PEPD: variants seen among roughly 807,000 people sequenced by gnomAD.
The protein encoded by PEPD is xaa-Pro dipeptidase.
In PEPD, 53 loss-of-function variants were observed where a neutral mutation model predicts 60.7. That is an observed-to-expected ratio of 0.87 (90% CI 0.70 to 1.10). The LOEUF is 1.10. Ranked by LOEUF, PEPD falls within the 50% of genes least tolerant of loss-of-function variation. The probability of loss-of-function intolerance (pLI) is 0.00; values close to 1 mark genes in which losing one functional copy is unlikely to be tolerated. For missense variants in PEPD, 711 were observed against 711.9 expected, an observed-to-expected ratio of 1.00 and a Z score of 0.01; for synonymous variants, 267 against 284.1, an observed-to-expected ratio of 0.94 and a Z score of 0.60.
chr19:33,458,647 T>C lies in PEPD; in HGVS notation c.671+4348A>G, dbSNP rs1358395262. ...TGATGTGTGTGGCGTGTGTGTTGTG[T>C]GTGGTATGTGGCATGTGTGGTGTGT... On this transcript the variant is annotated intron_variant, in intron 9 of 14. Transcript: ENST00000244137. 2.1e-5 allele frequency among the ~76,000 whole-genome samples: 3 copies of C among 142,752 alleles called. No homozygotes were observed. In the East Asian group the frequency reaches 6.4e-4, roughly 31 times the overall value. The allele number at this position is 142,752 out of a possible 152,430, so 93.7% of individuals were successfully genotyped here.
At chr19:33,442,747 A>C (rs8103889) in intron 9 of PEPD, among the ~76,000 whole-genome samples, 5,244 of 152,036 alleles carry the variant, frequency 0.034, 154 homozygotes, top group East Asian at 0.077. Flanking sequence ...AAAAATTTAA[A>C]AATAAATAAA....
intron 9 of PEPD, among the ~76,000 whole-genome samples, chr19:33,455,967 C>G (rs1366754480): frequency 6.6e-6 from 1 of 152,142 alleles, no homozygotes; most frequent in African/African-American, 2.4e-5. Flanking sequence ...AGTTTTGCCC[C>G]AAAATCTCTA....
At chr19:33,485,566 G>A (rs73594011) in intron 6 of PEPD, among the ~76,000 whole-genome samples, 2,661 of 150,900 alleles carry the variant, frequency 0.018, 77 homozygotes, top group African/African-American at 0.062. Context: ...AGAAAACCAC[G>A]GTCCTCAAAC....
chr19:33,449,300 G>A (rs932431450), intron 9 of PEPD, among the ~76,000 whole-genome samples: 1 of 152,152 alleles, frequency 6.6e-6, no homozygotes, highest in South Asian at 2.1e-4. Context: ...TTTCTTCTGG[G>A]CCTGAGCAAT....
At chr19:33,491,124 T>A (rs1187333152) in intron 5 of PEPD, among the ~76,000 whole-genome samples, 2 of 152,178 alleles carry the variant, frequency 1.3e-5, no homozygotes, top group Middle Eastern at 6.8e-3. Flanking sequence ...AGGGGCCAAG[T>A]GCTAAAGGAA....
At chr19:33,443,655 A>C (rs754911453) in intron 9 of PEPD, among the ~76,000 whole-genome samples, 2 of 152,216 alleles carry the variant, frequency 1.3e-5, no homozygotes, top group Non-Finnish European at 2.9e-5. Flanking sequence ...AAATAAAGAA[A>C]AGCCTTTTAA....
chr19:33,399,008 G>T (rs1205211631), intron 12 of PEPD, among the ~76,000 whole-genome samples: 1 of 152,110 alleles, frequency 6.6e-6, no homozygotes, highest in Non-Finnish European at 1.5e-5. Context: ...TTTTGAGACA[G>T]GGTCTCACTC....
intron 9 of PEPD, among the ~76,000 whole-genome samples, chr19:33,418,519 G>A (rs1968939315): frequency 6.6e-6 from 1 of 152,232 alleles, no homozygotes; most frequent in Non-Finnish European, 1.5e-5. Flanking sequence ...CATGGAAGGA[G>A]GGGAGCTGCT....
chr19:33,506,888 C>T (rs1427212289), intron 3 of PEPD, among the ~76,000 whole-genome samples: 1 of 151,402 alleles, frequency 6.6e-6, no homozygotes, highest in Non-Finnish European at 1.5e-5. Flanking sequence ...ACCCCCATCA[C>T]AAACACCCTA....
At chr19:33,390,584 G>A (rs562012317) in intron 13 of PEPD, among the ~76,000 whole-genome samples, 7 of 151,862 alleles carry the variant, frequency 4.6e-5, no homozygotes, top group Admixed American at 3.3e-4. Context: ...TGGGCAGCCC[G>A]CCAAGGGCAG....
At chr19:33,435,659 C>T (rs376506553) in intron 9 of PEPD, among the ~76,000 whole-genome samples, 1 of 152,242 alleles carries the variant, frequency 6.6e-6, no homozygotes, top group Non-Finnish European at 1.5e-5. Flanking sequence ...GTGACAGCCA[C>T]GCTTTGGCTG....
intron 9 of PEPD, among the ~76,000 whole-genome samples, chr19:33,438,680 C>A (rs767264043): frequency 2.6e-5 from 4 of 152,226 alleles, no homozygotes; most frequent in African/African-American, 9.6e-5. Flanking sequence ...AACTGTGACA[C>A]CTCAGTACCA....
intron 6 of PEPD, among the ~76,000 whole-genome samples, chr19:33,482,986 C>T (rs1970335881): frequency 6.6e-6 from 1 of 152,166 alleles, no homozygotes; most frequent in Non-Finnish European, 1.5e-5. Flanking sequence ...TGTATGTGAA[C>T]ATTTATCATA....
At chr19:33,497,739 G>A (rs1190435660) in intron 4 of PEPD, among the ~76,000 whole-genome samples, 1 of 152,150 alleles carries the variant, frequency 6.6e-6, no homozygotes, top group Non-Finnish European at 1.5e-5. Context: ...GATGCAACAG[G>A]CCCTGGGTAC....
At chr19:33,463,493 T>C (rs1568484647) in intron 8 of PEPD, among the ~76,000 whole-genome samples, 1 of 152,250 alleles carries the variant, frequency 6.6e-6, no homozygotes, top group Non-Finnish European at 1.5e-5. Context: ...AAAACTGCAA[T>C]GTTCCTGAGC....
chr19:33,405,230 C>T (rs1049773142), intron 11 of PEPD, among the ~76,000 whole-genome samples: 1 of 152,228 alleles, frequency 6.6e-6, no homozygotes, highest in Non-Finnish European at 1.5e-5. Flanking sequence ...CCCTGGGCCC[C>T]ATGGCAGGGA....
chr19:33,479,787 C>T (rs1404412264), intron 6 of PEPD, among the ~76,000 whole-genome samples: 2 of 152,180 alleles, frequency 1.3e-5, no homozygotes, highest in Admixed American at 6.5e-5. Flanking sequence ...TTCCATGGTG[C>T]ATACCATACC....
rs1040472282 is a variant in PEPD, at chr19:33,388,094, G to C, written c.1153-13C>G. The C allele has an allele frequency of 6.5e-7, 1 of 1,544,136 alleles. No homozygotes were observed. Among genetic ancestry groups the C allele is most frequent in the Non-Finnish European group, 8.7e-7 (1 of 1,146,284 alleles). On this transcript the variant is annotated splice_polypyrimidine_tract_variant and intron_variant, in intron 13 of 14. Transcript: ENST00000244137. The stretch of plus-strand genomic sequence containing the variant: ...TGCGCTCCACGCCCTGTGGGGAACA[G>C]AGGTGAGGGGCCTGATGAGCAGCTC...
chr19:33,468,888 T>C (rs550729923), intron 7 of PEPD, among the ~76,000 whole-genome samples: 2 of 152,142 alleles, frequency 1.3e-5, no homozygotes, highest in Non-Finnish European at 2.9e-5. Context: ...AGTCCCATTA[T>C]CTGGGACCAG....
Sources: allele counts gnomAD v4.1 joint callset (sites outside exome capture counted in the v4.1 genomes callset), GRCh38; gene constraint gnomAD v4.1.1; transcripts MANE v1.5; gene names NCBI Gene and HGNC (gene_info 2026-07-23, HGNC 2026-07-21).